Variants in MICAL3 observed in about 807,000 individuals in gnomAD.
The protein encoded by MICAL3 is microtubule associated monooxygenase, calponin and LIM domain containing 3.
MICAL3 carries 62 observed loss-of-function variants against 207.4 expected under a neutral mutation model. The observed-to-expected ratio is 0.30, with a 90% confidence interval of 0.24 to 0.37. The LOEUF is 0.37. Among genes scored for constraint, MICAL3 ranks in the 10% least tolerant of loss-of-function variants. The probability of loss-of-function intolerance (pLI) is 1.00; values close to 1 mark genes in which losing one functional copy is unlikely to be tolerated. For synonymous variants in MICAL3, 1,077 were observed against 1,069.3 expected (o/e 1.01, Z -0.14); for missense variants, 2,368 against 2,635.6 (o/e 0.90, Z 2.22).
intron 16 of MICAL3, among the ~76,000 whole-genome samples, chr22:17,878,723 T>C (rs1229007622): frequency 6.6e-6 from 1 of 152,184 alleles, no homozygotes; most frequent in Non-Finnish European, 1.5e-5. Flanking sequence ...CTTCTTTAAC[T>C]GGGCATCTCG....
chr22:17,848,138 TAA>T (rs1477502518), intron 19 of MICAL3, among the ~76,000 whole-genome samples: 1 of 152,216 alleles, frequency 6.6e-6, no homozygotes, highest in African/African-American at 2.4e-5. Context: ...AGCATGAGCC[TAA>T]GTTTCCAGAT....
chr22:18,002,416 C>G (rs779711114), intron 1 of MICAL3, among the ~76,000 whole-genome samples: 14 of 151,934 alleles, frequency 9.2e-5, no homozygotes, highest in Admixed American at 2.0e-4. Context: ...GAGCAGATCA[C>G]AAGGTCAGGA....
At chr22:17,909,641 A>C (rs1405696711) in intron 1 of MICAL3, among the ~76,000 whole-genome samples, 2 of 152,246 alleles carry the variant, frequency 1.3e-5, no homozygotes, top group Non-Finnish European at 2.9e-5. Context: ...CAGTTTCCCC[A>C]AAAAAGAAAG....
chr22:17,842,487 C>G (rs1924124656), intron 19 of MICAL3: 1 of 176,922 alleles, frequency 5.7e-6, no homozygotes, highest in Non-Finnish European at 1.2e-5. Flanking sequence ...CGTGCCCCAC[C>G]ACTGAGGGGG....
At chr22:17,872,419 A>G (rs1320087121) in intron 16 of MICAL3, among the ~76,000 whole-genome samples, 2 of 152,210 alleles carry the variant, frequency 1.3e-5, no homozygotes, top group Non-Finnish European at 1.5e-5. Flanking sequence ...TGGGAGGGGC[A>G]TGATGGAAAA....
chr22:17,805,060 C>A (rs2061976608), intron 29 of MICAL3, among the ~76,000 whole-genome samples: 1 of 152,208 alleles, frequency 6.6e-6, no homozygotes, highest in South Asian at 2.1e-4. Context: ...TCTGGAAAGG[C>A]AGCTTGGCTA....
intron 1 of MICAL3, among the ~76,000 whole-genome samples, chr22:17,918,079 C>T (rs1932647935): frequency 1.3e-5 from 2 of 152,208 alleles, no homozygotes; most frequent in Admixed American, 6.5e-5. Flanking sequence ...TCAGCTGATT[C>T]AGCCATGACT....
intron 29 of MICAL3, among the ~76,000 whole-genome samples, chr22:17,801,620 G>A (rs1428528358): frequency 3.3e-5 from 5 of 151,432 alleles, no homozygotes; most frequent in African/African-American, 9.7e-5. Flanking sequence ...CGGGCTGGGC[G>A]CGGTGGCTCA....
At chr22:17,823,159 GC>G in intron 22 of MICAL3, 99 bp from the exon 23 acceptor site, 2 of 772,104 alleles carry the variant, frequency 2.6e-6, no homozygotes, top group Non-Finnish European at 4.4e-6. Flanking sequence ...TCAGGGCGCT[GC>G]CATGCAGGCC....
chr22:17,964,936 G>A (rs1482929124), intron 1 of MICAL3, among the ~76,000 whole-genome samples: 1 of 152,206 alleles, frequency 6.6e-6, no homozygotes, highest in Admixed American at 6.5e-5. Context: ...GAAGCGCGGT[G>A]GAGGTCTGGG....
Position 17,790,607 on chromosome 22 carries a change from A to G in MICAL3, c.*125T>C, listed in dbSNP as rs1190400789. The G allele has an allele frequency of 1.2e-6, 1 of 858,752 alleles. No homozygotes were observed. The highest frequency in any genetic ancestry group is 2.7e-5 in the East Asian group (1 of 37,430). The allele number at this position is 858,752 out of a possible 1,614,324, so 53.2% of individuals were successfully genotyped here. On this transcript the variant is annotated 3_prime_UTR_variant, in exon 32 of 32. Transcript: ENST00000441493. ...GGGACTCGACCACTTTCCAAGCAGC[A>G]CACGGGCATCTGAGCGTAAACTCCA... is the stretch of plus-strand genomic sequence containing the variant.
chr22:17,869,046 C>A (rs925339762), intron 17 of MICAL3, among the ~76,000 whole-genome samples: 1 of 152,104 alleles, frequency 6.6e-6, no homozygotes, highest in Admixed American at 6.5e-5. Flanking sequence ...CCTGTGGAGA[C>A]CAGGGGGTGT....
Position 17,787,953 on chromosome 22 carries a change from A to T in MICAL3, c.*2779T>A, listed in dbSNP as rs1004778654. On this transcript the variant is annotated 3_prime_UTR_variant, in exon 32 of 32. Coordinates refer to ENST00000441493, the MANE Select transcript of MICAL3 (RefSeq NM_015241.3). ...GAAGCTGCATGTGGACCTCCACGGT[A>T]TTCAGCCTCCAGTTTAGTCAGCCTT... 2.6e-5 allele frequency: 4 copies of T among 152,272 alleles called. No individual in the cohort carries two copies. The highest frequency in any genetic ancestry group is 7.2e-5 in the African/African-American group (3 of 41,482). The allele number at this position is 152,272 out of a possible 1,614,324, so 9.4% of individuals were successfully genotyped here.
At position 17,865,948 on chromosome 22, in the gene MICAL3, C is replaced by T. The variant is rs375960768; in HGVS notation, c.2493G>A (p.Pro831=). The part of the protein sequence containing the change: ...RLSGYAQRKR[P]AVAPLSGKEA... The stretch of plus-strand genomic sequence containing the variant: ...CCTTTCCAGACAGGGGAGCCACTGC[C>T]GGTCTCTTCCTTTGTGCGTAGCCAG... The change falls in exon 18 of 32, where the codon CCG becomes CCA. Residue 831 remains proline (P), a synonymous_variant. Coordinates refer to ENST00000441493, the MANE Select transcript of MICAL3 (RefSeq NM_015241.3). 5.6e-5 allele frequency: 90 copies of T among 1,613,756 alleles called. No homozygotes were observed. Among genetic ancestry groups the T allele is most frequent in the Admixed American group, 1.2e-4 (7 of 60,012 alleles).
intron 17 of MICAL3, among the ~76,000 whole-genome samples, chr22:17,867,644 G>C (rs1419324331): frequency 6.6e-6 from 1 of 152,244 alleles, no homozygotes; most frequent in Admixed American, 6.5e-5. Context: ...ACCCAGGACA[G>C]GGTGCTCTGG....
chr22:17,925,855 A>C (rs959944029), intron 1 of MICAL3, among the ~76,000 whole-genome samples: 1 of 152,192 alleles, frequency 6.6e-6, no homozygotes, highest in Admixed American at 6.6e-5. Context: ...TAAATCCTCA[A>C]ACAGGCATTG....
At chr22:18,015,232 G>C (rs760072776) in intron 1 of MICAL3, among the ~76,000 whole-genome samples, 4 of 152,032 alleles carry the variant, frequency 2.6e-5, no homozygotes, top group Non-Finnish European at 5.9e-5. Flanking sequence ...TGTGACTCTT[G>C]GGATTCTTCT....
At chr22:17,800,865 C>T (rs1372865025) in intron 29 of MICAL3, among the ~76,000 whole-genome samples, 1 of 152,208 alleles carries the variant, frequency 6.6e-6, no homozygotes, top group Non-Finnish European at 1.5e-5. Context: ...AAGAATGACA[C>T]AAGAGCAGAA....
At chr22:17,996,708 G>A (rs1206210724) in intron 1 of MICAL3, among the ~76,000 whole-genome samples, 1 of 152,152 alleles carries the variant, frequency 6.6e-6, no homozygotes, top group Non-Finnish European at 1.5e-5. Flanking sequence ...ATGACAGAGT[G>A]CGTGGCTGGA....
Sources: allele counts gnomAD v4.1 joint callset (sites outside exome capture counted in the v4.1 genomes callset), GRCh38; gene constraint gnomAD v4.1.1; transcripts MANE v1.5; gene names NCBI Gene and HGNC (gene_info 2026-07-23, HGNC 2026-07-21).